The following HPCAL1 variants were observed in gnomAD, a reference collection of about 807,000 sequenced individuals.
The protein encoded by HPCAL1 is hippocalcin-like protein 1.
Under a neutral mutation model 17.1 loss-of-function variants are expected in HPCAL1, and 8 were observed. That is an observed-to-expected ratio of 0.47 (90% confidence interval 0.27 to 0.84). The LOEUF is 0.84. Among genes scored for constraint, HPCAL1 ranks in the 40% least tolerant of loss-of-function variants. The probability of loss-of-function intolerance (pLI) is 0.13; values close to 1 mark genes in which losing one functional copy is unlikely to be tolerated. For missense variants in HPCAL1, 165 were observed against 271.1 expected, an observed-to-expected ratio of 0.61 and a Z score of 2.75; for synonymous variants, 112 against 111.4, an observed-to-expected ratio of 1.01 and a Z score of -0.03.
intron 1 of HPCAL1, among the ~76,000 whole-genome samples, chr2:10,306,661 A>G (rs1023327230): frequency 6.6e-6 from 1 of 152,214 alleles, no homozygotes; most frequent in African/African-American, 2.4e-5. Context: ...GTTGGAATCT[A>G]GTGGTGCAGA....
At chr2:10,348,389 C>T (rs1665601932) in intron 1 of HPCAL1, among the ~76,000 whole-genome samples, 1 of 152,112 alleles carries the variant, frequency 6.6e-6, no homozygotes, top group South Asian at 2.1e-4. Context: ...GCGGAGGTTG[C>T]AGTGAGCCGA....
intron 1 of HPCAL1, among the ~76,000 whole-genome samples, chr2:10,333,047 C>G (rs1664485833): frequency 6.6e-6 from 1 of 151,578 alleles, no homozygotes; most frequent in South Asian, 2.1e-4. Flanking sequence ...ATGTGTGGGG[C>G]ACAGTGGGCC....
intron 1 of HPCAL1, among the ~76,000 whole-genome samples, chr2:10,382,804 T>G (rs1465979553): frequency 6.6e-6 from 1 of 151,964 alleles, no homozygotes; most frequent in Non-Finnish European, 1.5e-5. Context: ...AGTGTGGGAG[T>G]GTGCTCTCCA....
At chr2:10,358,875 G>T (rs1395958304) in intron 1 of HPCAL1, among the ~76,000 whole-genome samples, 1 of 152,102 alleles carries the variant, frequency 6.6e-6, no homozygotes, top group Non-Finnish European at 1.5e-5. Flanking sequence ...TTATGATAAG[G>T]CAGGGGTATA....
At chr2:10,356,237 G>T (rs546017675) in intron 1 of HPCAL1, among the ~76,000 whole-genome samples, 19 of 152,150 alleles carry the variant, frequency 1.2e-4, no homozygotes, top group Middle Eastern at 3.2e-3. Context: ...CCTCCCGCTC[G>T]CCTGGAAGAG....
Position 10,419,722 on chromosome 2 carries a change from C to G in HPCAL1, c.-24-12C>G, listed in dbSNP as rs776383727. ...CGTGGGTGGCGTCCCCGGCTGACCCCCTGTCTTGCAGGTGTAGTCGCCGCC... is the reference window on the plus strand; with the variant it reads ...CGTGGGTGGCGTCCCCGGCTGACCCGCTGTCTTGCAGGTGTAGTCGCCGCC... On this transcript the variant is annotated splice_polypyrimidine_tract_variant and intron_variant, in intron 2 of 4. Coordinates refer to ENST00000307845, the MANE Select transcript of HPCAL1 (RefSeq NM_002149.4). The surrounding 1 kb of genome is among the most constrained non-coding windows in gnomAD (Gnocchi z 5.0). 1 of 1,584,438 alleles carries G rather than the reference C, an allele frequency of 6.3e-7. No individual in the cohort carries two copies. The highest frequency in any genetic ancestry group is 8.6e-7 in the Non-Finnish European group (1 of 1,164,762).
Position 10,363,631 on chromosome 2 carries a change from TG to T in HPCAL1, c.-110-33201del, listed in dbSNP as rs1280313193. ...GCTCACAAGCTAAAGTGCAGATTCC[TG>T]GGTCATCCCAGACCTGCTGAAGCCA... On this transcript the variant is annotated intron_variant, in intron 1 of 4. Coordinates refer to ENST00000307845, the MANE Select transcript of HPCAL1 (RefSeq NM_002149.4). The surrounding 1 kb of genome is among the most constrained non-coding windows in gnomAD (Gnocchi z 4.7). 6.6e-6 allele frequency among the ~76,000 whole-genome samples: 1 copy of T among 152,208 alleles called. No individual in the cohort carries two copies. Among genetic ancestry groups the T allele is most frequent in the Non-Finnish European group, 1.5e-5 (1 of 68,030 alleles).
intron 4 of HPCAL1, chr2:10,426,434 T>C (rs2148053788): frequency 5.1e-6 from 2 of 390,316 alleles, no homozygotes; most frequent in South Asian, 5.4e-5. Context: ...AAGCGAAGTG[T>C]GGGGTGATTT....
intron 1 of HPCAL1, among the ~76,000 whole-genome samples, chr2:10,358,784 C>T (rs963745330): frequency 1.3e-5 from 2 of 152,092 alleles, no homozygotes; most frequent in African/African-American, 4.8e-5. Context: ...CTCAATAAAA[C>T]CTTGCACTCA....
chr2:10,385,789 C>T (rs1224935645), intron 1 of HPCAL1, among the ~76,000 whole-genome samples: 1 of 152,138 alleles, frequency 6.6e-6, no homozygotes, highest in African/African-American at 2.4e-5. Context: ...GCCGAGCCCC[C>T]ACATGTTCTG....
chr2:10,409,333 G>T (rs993857433), intron 2 of HPCAL1, among the ~76,000 whole-genome samples: 2 of 152,186 alleles, frequency 1.3e-5, no homozygotes, highest in African/African-American at 4.8e-5. Context: ...CTTCAGCCTG[G>T]ATGGTCCCAG....
intron 1 of HPCAL1, among the ~76,000 whole-genome samples, chr2:10,347,207 G>A (rs568617921): frequency 1.0e-3 from 156 of 152,160 alleles, no homozygotes; most frequent in African/African-American, 3.5e-3. Context: ...TACGGTGGGC[G>A]CCTGTTCTTT....
At chr2:10,372,283 G>T (rs922618860) in intron 1 of HPCAL1, among the ~76,000 whole-genome samples, 5 of 141,156 alleles carry the variant, frequency 3.5e-5, no homozygotes, top group African/African-American at 1.2e-4. Flanking sequence ...GAGGGTTGTC[G>T]GTGGGGGAAG....
rs533973930 is a variant in HPCAL1, at chr2:10,305,394, T to C, written c.-111+2217T>C. Among the ~76,000 whole-genome samples the C allele has an allele frequency of 4.6e-5, 7 of 152,356 alleles. No individual in the cohort carries two copies. The East Asian group carries it at 1.2e-3, about 25-fold the overall frequency. On this transcript the variant is annotated intron_variant, in intron 1 of 4. Coordinates refer to ENST00000307845, the MANE Select transcript of HPCAL1 (RefSeq NM_002149.4). ...TTTCTGTTTCACTTTTGAAAGTGCC[T>C]GTAATTACTGAGCTCTTGAGGTTTT...
chr2:10,416,701 CTT>C (rs34538965), intron 2 of HPCAL1, among the ~76,000 whole-genome samples: 39 of 146,132 alleles, frequency 2.7e-4, no homozygotes, highest in East Asian at 1.8e-3. Context: ...TTTACATTCC[CTT>C]TTTTTTTTTT....
intron 2 of HPCAL1, among the ~76,000 whole-genome samples, chr2:10,399,398 C>G (rs1233964205): frequency 3.3e-4 from 32 of 95,728 alleles, no homozygotes; most frequent in Non-Finnish European, 6.0e-4. Context: ...CCACCACCAT[C>G]ACCACCACCA....
At chr2:10,410,900 CAG>C (rs1670311520) in intron 2 of HPCAL1, among the ~76,000 whole-genome samples, 1 of 152,144 alleles carries the variant, frequency 6.6e-6, no homozygotes. Flanking sequence ...TAATGAATGA[CAG>C]AGGGGTCACA....
At chr2:10,415,650 G>T (rs3771122) in intron 2 of HPCAL1, among the ~76,000 whole-genome samples, 1 of 151,546 alleles carries the variant, frequency 6.6e-6, no homozygotes, top group Non-Finnish European at 1.5e-5. Flanking sequence ...AGCCACATGC[G>T]GTTTGGTCGG....
chr2:10,390,709 C>G (rs775568116), intron 1 of HPCAL1, among the ~76,000 whole-genome samples: 1 of 152,142 alleles, frequency 6.6e-6, no homozygotes, highest in Admixed American at 6.6e-5. Flanking sequence ...GAGGAAGAAG[C>G]TTTTCCAGTA....
Sources: gnomAD v4.1 joint callset for allele counts (sites outside exome capture counted in the v4.1 genomes callset) on GRCh38, gnomAD v4.1.1 for gene constraint, Gnocchi (gnomAD v3.1) non-coding constraint, MANE v1.5 for transcripts, NCBI Gene and HGNC (gene_info 2026-07-23, HGNC 2026-07-21) for gene names.